Variants in MEX3D observed in about 807,000 individuals in gnomAD.
MEX3D encodes mex-3 RNA binding family member D.
MEX3D carries 4 observed loss-of-function variants against 6.3 expected under a neutral mutation model. The ratio of observed to expected loss-of-function variants is 0.64; its 90% confidence interval spans 0.31 to 1.46. MEX3D has a LOEUF of 1.46. MEX3D is among the 40% of genes most tolerant of loss of function. The pLI, the probability that MEX3D is intolerant of heterozygous loss-of-function variation, is 0.07. For missense variants in MEX3D, 1,038 were observed against 994.4 expected (o/e 1.04, Z -0.59); for synonymous variants, 626 against 494.1 (o/e 1.27, Z -3.54).
Position 1,555,110 on chromosome 19 carries a change from T to C in MEX3D, c.*453A>G. 1 of 260,802 alleles carries C rather than the reference T, an allele frequency of 3.8e-6. No individual in the cohort carries two copies. The highest frequency in any genetic ancestry group is 7.1e-6 in the Non-Finnish European group (1 of 140,760). 16.2% of individuals were successfully genotyped at this position (260,802 alleles called of 1,614,324 possible). ...CAAAAAGGGAGTAAAAATGTCACCC[T>C]CCTCCTCTGGAACGTCTGTGCGGCC... On this transcript the variant is annotated 3_prime_UTR_variant, in exon 2 of 2. Transcript: ENST00000402693.
Position 1,555,430 on chromosome 19 carries a change from CGCCCA to C in MEX3D, c.*128_*132del. 6.5e-7 allele frequency: 1 copy of C among 1,527,658 alleles called. No individual in the cohort carries two copies. Among genetic ancestry groups the C allele is most frequent in the South Asian group, 1.2e-5 (1 of 85,136 alleles). 94.6% of individuals were successfully genotyped at this position (1,527,658 alleles called of 1,614,324 possible). A position where few individuals can be genotyped will look rare whatever the true frequency, so the allele number is the denominator to read the frequency against. ...AAGCTCATCTGTAAACACTGGCCGC[CGCCCA>C]CCCCCCTGCCCCCTCGGCCTCCGCC... On this transcript the variant is annotated 3_prime_UTR_variant, in exon 2 of 2. Coordinates refer to ENST00000402693, the MANE Select transcript of MEX3D (RefSeq NM_203304.4).
Position 1,556,049 on chromosome 19 carries a change from C to A in MEX3D, c.1470G>T (p.Thr490=), listed in dbSNP as rs773247273. ...CGGGAGGTCCCGGGGCTCCGTTGACCGTGGAGCAGCCGCTGAAGGCGGGCA... is the reference window on the plus strand; with the variant it reads ...CGGGAGGTCCCGGGGCTCCGTTGACAGTGGAGCAGCCGCTGAAGGCGGGCA... ...APLPAFSGCS[T]VNGAPGPPAA... The change falls in exon 2 of 2, where the codon ACG becomes ACT. Residue 490 remains threonine, a synonymous_variant. Coordinates refer to ENST00000402693, the MANE Select transcript of MEX3D (RefSeq NM_203304.4). This position sits in a 1 kb window ranked among gnomAD's most constrained non-coding sequence, Gnocchi z 7.5. 2 of 1,363,956 alleles carry A rather than the reference C, an allele frequency of 1.5e-6. No individual in the cohort carries two copies. The highest frequency in any genetic ancestry group is 1.9e-6 in the Non-Finnish European group (2 of 1,056,950). 84.5% of individuals were successfully genotyped at this position (1,363,956 alleles called of 1,614,324 possible).
intron 1 of MEX3D, among the ~76,000 whole-genome samples, chr19:1,561,087 C>T (rs1290868296): frequency 6.6e-6 from 1 of 152,234 alleles, no homozygotes; most frequent in Non-Finnish European, 1.5e-5. Context: ...GAGTCTGGCC[C>T]TGACCTGTCC....
rs1033499893 is a variant in MEX3D at position 1,564,353 on chromosome 19, C to T, written c.595+3111G>A. Among the ~76,000 whole-genome samples, 9 of 151,826 alleles carry T rather than the reference C, an allele frequency of 5.9e-5. No homozygotes were observed. In the South Asian group the frequency reaches 6.2e-4, roughly 11 times the overall value. On this transcript the variant is annotated intron_variant, in intron 1 of 1. Transcript: ENST00000402693. ...TGTGAGACCAGCCTGGCCAACATGGCGAAACCCCGTCTCTACTGAAAATAC... is the reference window on the plus strand; with the variant it reads ...TGTGAGACCAGCCTGGCCAACATGGTGAAACCCCGTCTCTACTGAAAATAC...
At chr19:1,563,411 C>T (rs186080616) in intron 1 of MEX3D, among the ~76,000 whole-genome samples, 1 of 152,186 alleles carries the variant, frequency 6.6e-6, no homozygotes, top group African/African-American at 2.4e-5. Flanking sequence ...CCTTCAACAT[C>T]ACTCACTCAT....
chr19:1,555,537 G>A lies in MEX3D; in HGVS notation c.*26C>T. 6.5e-7 allele frequency: 1 copy of A among 1,541,410 alleles called. No homozygotes were observed. The highest frequency in any genetic ancestry group is 8.7e-7 in the Non-Finnish European group (1 of 1,144,884). ...CGCCCACCCCTGGCCCCCGCAGATG[G>A]CCCCGGCCACGTGGTGGTCCGCGCT... On this transcript the variant is annotated 3_prime_UTR_variant, in exon 2 of 2. Coordinates refer to ENST00000402693, the MANE Select transcript of MEX3D (RefSeq NM_203304.4).
Position 1,568,271 on chromosome 19 carries a change from T to G in MEX3D, c.-213A>C, listed in dbSNP as rs1914909788. 1.5e-5 allele frequency among the ~76,000 whole-genome samples: 2 copies of G among 130,918 alleles called. No individual in the cohort carries two copies. Among genetic ancestry groups the G allele is most frequent in the Non-Finnish European group, 3.3e-5 (2 of 60,708 alleles). 85.9% of individuals were successfully genotyped at this position (130,918 alleles called of 152,430 possible). ...CGGCGGCAGCGACTCTGGCTGCGGC[T>G]CGGCGGCGGCGGCGACGGCGGCGGC... On this transcript the variant is annotated 5_prime_UTR_variant, in exon 1 of 2. Transcript: ENST00000402693.
chr19:1,554,896 G>C lies in MEX3D; in HGVS notation c.*667C>G, dbSNP rs1200145856. 1 of 123,710 alleles carries C rather than the reference G, an allele frequency of 8.1e-6. No individual in the cohort carries two copies. Among genetic ancestry groups the C allele is most frequent in the African/African-American group, 3.1e-5 (1 of 32,196 alleles). The allele number at this position is 123,710 out of a possible 1,614,324, so 7.7% of individuals were successfully genotyped here. A position where few individuals can be genotyped will look rare whatever the true frequency, so the allele number is the denominator to read the frequency against. ...CTATAAATTCCCTACATATACACAAGAGGTAAAAAGTAAAAGTAAAAAAAA... is the reference window on the plus strand; with the variant it reads ...CTATAAATTCCCTACATATACACAACAGGTAAAAAGTAAAAGTAAAAAAAA... On this transcript the variant is annotated 3_prime_UTR_variant, in exon 2 of 2. Coordinates refer to ENST00000402693, the MANE Select transcript of MEX3D (RefSeq NM_203304.4).
chr19:1,567,435 G>A lies in MEX3D; in HGVS notation c.595+29C>T, dbSNP rs1360961279. ...GGGCGGACGGTGCGGGGACCCCCAG[G>A]ACAGCAACCCCCGACGAGGGCCACT... On this transcript the variant is annotated intron_variant, in intron 1 of 1. Coordinates refer to ENST00000402693, the MANE Select transcript of MEX3D (RefSeq NM_203304.4). The surrounding 1 kb of genome is among the most constrained non-coding windows in gnomAD (Gnocchi z 6.5). 2 of 1,550,190 alleles carry A rather than the reference G, an allele frequency of 1.3e-6. No individual in the cohort carries two copies.
intron 1 of MEX3D, among the ~76,000 whole-genome samples, chr19:1,565,233 T>C (rs1369589985): frequency 6.6e-6 from 1 of 151,890 alleles, no homozygotes; most frequent in Non-Finnish European, 1.5e-5. Flanking sequence ...AAGAAAAACT[T>C]TATAATAAAA....
rs568505769 is a variant in MEX3D at position 1,558,970 on chromosome 19, G to C, written c.596-2047C>G. On this transcript the variant is annotated intron_variant, in intron 1 of 1. Coordinates refer to ENST00000402693, the MANE Select transcript of MEX3D (RefSeq NM_203304.4). ...CCAGACATCCCTACCCCACCCCTGG[G>C]GCCTTAATGGTTTTTTTTTTTTTCT... Among the ~76,000 whole-genome samples, 3 of 151,978 alleles carry C rather than the reference G, an allele frequency of 2.0e-5. No homozygotes were observed. In the South Asian group the frequency reaches 6.2e-4, roughly 32 times the overall value.
rs1407234667 is a variant in MEX3D at position 1,556,150 on chromosome 19, A to G, written c.1369T>C (p.Phe457Leu). The change falls in exon 2 of 2, where the codon TTC (phenylalanine) becomes CTC (leucine). Residue 457 changes from phenylalanine to leucine, a missense_variant. Phe to Leu is a conservative substitution (Grantham distance 22). This residue lies in a region of MEX3D where 581 missense variants were observed against 516.2 expected (regional missense o/e 1.13). Transcript: ENST00000402693. The surrounding 1 kb of genome is among the most constrained non-coding windows in gnomAD (Gnocchi z 7.5). The part of the protein sequence containing the change: ...APDDCDFGFD[F>L]DFLALDLTVP... ...GTCAGGTCCAGCGCCAGGAAGTCGAAGTCGAAGCCGAAGTCGCAGTCGTCG... is the reference window on the plus strand; with the variant it reads ...GTCAGGTCCAGCGCCAGGAAGTCGAGGTCGAAGCCGAAGTCGCAGTCGTCG... 6.8e-7 allele frequency: 1 copy of G among 1,473,942 alleles called. No homozygotes were observed. The highest frequency in any genetic ancestry group is 1.5e-5 in the African/African-American group (1 of 67,630). The allele number at this position is 1,473,942 out of a possible 1,614,324, so 91.3% of individuals were successfully genotyped here.
chr19:1,564,862 C>T (rs550264442), intron 1 of MEX3D, among the ~76,000 whole-genome samples: 18 of 152,112 alleles, frequency 1.2e-4, no homozygotes, highest in Non-Finnish European at 1.3e-4. Context: ...AGTAAAGGGG[C>T]AGGGCCGGGG....
Position 1,567,754 on chromosome 19 carries a change from A to T in MEX3D, c.305T>A (p.Val102Glu). 1.1e-6 allele frequency: 1 copy of T among 945,526 alleles called. No homozygotes were observed. Among genetic ancestry groups the T allele is most frequent in the Non-Finnish European group, 1.3e-6 (1 of 793,448 alleles). The allele number at this position is 945,526 out of a possible 1,614,324, so 58.6% of individuals were successfully genotyped here. The change falls in exon 1 of 2, where the codon GTG becomes GAG. Residue 102 changes from valine (V) to glutamate (E), a missense_variant. Around this residue, in one of 5 missense-constraint regions of MEX3D, gnomAD observed 265 missense variants for 206.3 expected, o/e 1.28. Coordinates refer to ENST00000402693, the MANE Select transcript of MEX3D (RefSeq NM_203304.4). The surrounding 1 kb of genome is among the most constrained non-coding windows in gnomAD (Gnocchi z 6.5). ...GADGGAAPEP[V>E]PPDGPEAGAP... ...GCCGGCCTCAGGTCCGTCGGGGGGC[A>T]CAGGCTCCGGAGCCGCCCCGCCGTC...
intron 1 of MEX3D, 93 bp from the exon 2 acceptor site, chr19:1,557,016 G>T: frequency 7.0e-7 from 1 of 1,432,212 alleles, no homozygotes; most frequent in Non-Finnish European, 9.3e-7. Context: ...CAGTGAGGGA[G>T]CCCCTACCTC....
Position 1,556,171 on chromosome 19 carries a change from C to G in MEX3D, c.1348G>C (p.Asp450His). 1.4e-6 allele frequency: 2 copies of G among 1,464,536 alleles called. No individual in the cohort carries two copies. The allele number at this position is 1,464,536 out of a possible 1,614,324, so 90.7% of individuals were successfully genotyped here. A position where few individuals can be genotyped will look rare whatever the true frequency, so the allele number is the denominator to read the frequency against. Residue 450 changes from aspartate (D) to histidine (H), a missense_variant, in exon 2 of 2, where the codon GAC becomes CAC. By Grantham distance (81) the Asp-to-His change is moderately conservative. This residue lies in a region of MEX3D where 581 missense variants were observed against 516.2 expected (regional missense o/e 1.13). Coordinates refer to ENST00000402693, the MANE Select transcript of MEX3D (RefSeq NM_203304.4). This position sits in a 1 kb window ranked among gnomAD's most constrained non-coding sequence, Gnocchi z 7.5. The part of the protein sequence containing the change: ...GAPVGTAAPD[D>H]CDFGFDFDFL... ...TCGAAGTCGAAGCCGAAGTCGCAGT[C>G]GTCGGGGGCGGCCGTCCCCACCGGG... is the stretch of plus-strand genomic sequence containing the variant.
chr19:1,561,928 T>C (rs987926688), intron 1 of MEX3D, among the ~76,000 whole-genome samples: 1 of 151,920 alleles, frequency 6.6e-6, no homozygotes, highest in Non-Finnish European at 1.5e-5. Flanking sequence ...ATTACAGGTG[T>C]GAGCCACCAT....
At chr19:1,557,585 G>A (rs1048165980) in intron 1 of MEX3D, among the ~76,000 whole-genome samples, 18 of 149,618 alleles carry the variant, frequency 1.2e-4, no homozygotes, top group Non-Finnish European at 3.0e-5. Flanking sequence ...AAAAAGCGGG[G>A]TGCAGTGGCT....
chr19:1,555,371 G>A lies in MEX3D; in HGVS notation c.*192C>T, dbSNP rs368958520. On this transcript the variant is annotated 3_prime_UTR_variant, in exon 2 of 2. Coordinates refer to ENST00000402693, the MANE Select transcript of MEX3D (RefSeq NM_203304.4). ...AAGGGCTGAGGCGCCGCCGGGCTGCGGGGTCTCCGTCTCCACGCCTGAGGC... is the reference window on the plus strand; with the variant it reads ...AAGGGCTGAGGCGCCGCCGGGCTGCAGGGTCTCCGTCTCCACGCCTGAGGC... 6.2e-7 allele frequency: 1 copy of A among 1,602,300 alleles called. No homozygotes were observed. Among genetic ancestry groups the A allele is most frequent in the Non-Finnish European group, 8.5e-7 (1 of 1,173,964 alleles).
Sources: gnomAD v4.1 joint callset for allele counts (sites outside exome capture counted in the v4.1 genomes callset) on GRCh38, gnomAD v4.1.1 for gene constraint, gnomAD v4.1.1 regional missense constraint, Gnocchi (gnomAD v3.1) non-coding constraint, MANE v1.5 for transcripts, NCBI Gene and HGNC (gene_info 2026-07-23, HGNC 2026-07-21) for gene names.